Variants in POU6F2 observed in about 807,000 individuals in gnomAD.
The protein encoded by POU6F2 is POU class 6 homeobox 2.
Under a neutral mutation model 71.3 loss-of-function variants are expected in POU6F2, and 31 were observed. The observed-to-expected ratio is 0.43, with a 90% CI of 0.33 to 0.59. POU6F2 has a LOEUF of 0.59. POU6F2 is among the 20% of genes least tolerant of loss of function. The probability of loss-of-function intolerance (pLI) is 0.04; values close to 1 mark genes in which losing one functional copy is unlikely to be tolerated. For synonymous variants in POU6F2, 347 were observed against 355.7 expected, an observed-to-expected ratio of 0.98 and a Z score of 0.27; for missense variants, 783 against 856.8, an observed-to-expected ratio of 0.91 and a Z score of 1.07.
At chr7:39,423,680 A>T (rs1298248168) in intron 6 of POU6F2, among the ~76,000 whole-genome samples, 2 of 152,240 alleles carry the variant, frequency 1.3e-5, no homozygotes, top group Admixed American at 1.3e-4. Context: ...TAAAGCTTCG[A>T]GTATATGTTA....
At chr7:38,983,958 C>A (rs1208268685) in intron 1 of POU6F2, among the ~76,000 whole-genome samples, 6 of 151,992 alleles carry the variant, frequency 3.9e-5, no homozygotes, top group African/African-American at 1.2e-4. Flanking sequence ...CTTTAAAACC[C>A]CCATGGTATG....
chr7:39,141,275 A>G (rs1792494732), intron 2 of POU6F2, among the ~76,000 whole-genome samples: 1 of 152,210 alleles, frequency 6.6e-6, no homozygotes, highest in African/African-American at 2.4e-5. Flanking sequence ...TTGAATGAGT[A>G]ACATAGTCTT....
intron 2 of POU6F2, among the ~76,000 whole-genome samples, chr7:39,104,123 C>T (rs1431662326): frequency 6.6e-6 from 1 of 152,206 alleles, no homozygotes; most frequent in African/African-American, 2.4e-5. Context: ...ACGGTGGGAG[C>T]ACCTACCACC....
chr7:39,102,332 C>A (rs538405361), intron 2 of POU6F2, among the ~76,000 whole-genome samples: 27 of 152,322 alleles, frequency 1.8e-4, no homozygotes, highest in African/African-American at 6.5e-4. Context: ...CCTTCTGCTG[C>A]TTTCCAACTA....
intron 1 of POU6F2, among the ~76,000 whole-genome samples, chr7:39,038,878 T>C (rs1177294086): frequency 6.6e-6 from 1 of 151,932 alleles, no homozygotes; most frequent in African/African-American, 2.4e-5. Context: ...CTTACCCCAG[T>C]ATCTCCTTCT....
intron 1 of POU6F2, among the ~76,000 whole-genome samples, chr7:39,011,620 G>A (rs1188048462): frequency 7.4e-5 from 11 of 148,552 alleles, no homozygotes; most frequent in African/African-American, 2.5e-4. Context: ...TCCTAGTCTC[G>A]ATGGTCTTTA....
At chr7:39,071,322 G>T (rs1226514968) in intron 1 of POU6F2, among the ~76,000 whole-genome samples, 1 of 152,088 alleles carries the variant, frequency 6.6e-6, no homozygotes, top group South Asian at 2.1e-4. Context: ...CCGACAGGAG[G>T]CAGAGCTCAG....
chr7:39,070,380 C>T (rs1174765420), intron 1 of POU6F2, among the ~76,000 whole-genome samples: 1 of 147,996 alleles, frequency 6.8e-6, no homozygotes, highest in Non-Finnish European at 1.5e-5. Flanking sequence ...TCTCCCTCCA[C>T]ACTTCTGCTT....
chr7:39,352,214 A>G (rs919610803), intron 5 of POU6F2, among the ~76,000 whole-genome samples: 1 of 152,236 alleles, frequency 6.6e-6, no homozygotes, highest in African/African-American at 2.4e-5. Context: ...GTCTGTGGCC[A>G]CTAACTAAAT....
chr7:39,189,396 T>TTGTA (rs1793612933), intron 2 of POU6F2, among the ~76,000 whole-genome samples: 1 of 152,064 alleles, frequency 6.6e-6, no homozygotes, highest in Non-Finnish European at 1.5e-5. Flanking sequence ...GTTTGTTTGT[T>TTGTA]TGAGACGGAG....
In POU6F2 at chr7:39,149,925, G is replaced by A. The variant is rs75374265; in HGVS notation, c.278-54310G>A. ...TCTTGAGACGGAGTCTCGCTCTGTC[G>A]CCCAGGCTGGAGTGCAGTGGCACAA... On this transcript the variant is annotated intron_variant, in intron 2 of 9. Coordinates refer to ENST00000518318, the MANE Select transcript of POU6F2 (RefSeq NM_001370959.1). 6.2e-5 allele frequency among the ~76,000 whole-genome samples: 9 copies of A among 144,682 alleles called. No homozygotes were observed. In the East Asian group the frequency reaches 1.8e-3, roughly 29 times the overall value. The allele number at this position is 144,682 out of a possible 152,430, so 94.9% of individuals were successfully genotyped here. A position where few individuals can be genotyped will look rare whatever the true frequency, so the allele number is the denominator to read the frequency against.
chr7:39,014,562 T>G (rs979678895), intron 1 of POU6F2, among the ~76,000 whole-genome samples: 5 of 152,236 alleles, frequency 3.3e-5, no homozygotes, highest in African/African-American at 9.6e-5. Flanking sequence ...CAAGTCTTAA[T>G]TCACCTGATA....
At chr7:39,194,831 C>T (rs185513195) in intron 2 of POU6F2, among the ~76,000 whole-genome samples, 2 of 152,300 alleles carry the variant, frequency 1.3e-5, no homozygotes, top group East Asian at 3.9e-4. Context: ...CACGAACCCC[C>T]CCGGGGAGGA....
intron 1 of POU6F2, among the ~76,000 whole-genome samples, chr7:39,053,609 A>T (rs1312640201): frequency 6.6e-6 from 1 of 152,126 alleles, no homozygotes; most frequent in East Asian, 1.9e-4. Context: ...TCACATGCAC[A>T]TTGGCATGTA....
intron 4 of POU6F2, among the ~76,000 whole-genome samples, chr7:39,268,052 A>G (rs1256080949): frequency 6.6e-6 from 1 of 152,114 alleles, no homozygotes; most frequent in Non-Finnish European, 1.5e-5. Context: ...CTTAAAATAT[A>G]CTAATTCCAG....
chr7:39,076,439 A>C (rs1259360521), intron 1 of POU6F2, among the ~76,000 whole-genome samples: 1 of 152,206 alleles, frequency 6.6e-6, no homozygotes, highest in Non-Finnish European at 1.5e-5. Context: ...TAGGTGCAGC[A>C]AACCCTCGTG....
At chr7:39,104,032 CA>C (rs1167084616) in intron 2 of POU6F2, among the ~76,000 whole-genome samples, 1 of 152,162 alleles carries the variant, frequency 6.6e-6, no homozygotes, top group Non-Finnish European at 1.5e-5. Context: ...TCTGAATGAG[CA>C]AAACTGGGAA....
chr7:39,407,578 G>T (rs1209537718), intron 6 of POU6F2, among the ~76,000 whole-genome samples: 2 of 151,744 alleles, frequency 1.3e-5, no homozygotes, highest in East Asian at 3.9e-4. Context: ...TGGTTCTCCA[G>T]TGTGACTGAT....
At chr7:39,081,865 C>T (rs1404999) in intron 1 of POU6F2, among the ~76,000 whole-genome samples, 48,985 of 152,072 alleles carry the variant, frequency 0.32, 8,099 homozygotes, top group South Asian at 0.45. Flanking sequence ...TTTCACTCAA[C>T]GCCTACTGGG....
Sources: allele counts gnomAD v4.1 joint callset (sites outside exome capture counted in the v4.1 genomes callset), GRCh38; gene constraint gnomAD v4.1.1; transcripts MANE v1.5; gene names NCBI Gene and HGNC (gene_info 2026-07-23, HGNC 2026-07-21).